Variants in KIZ observed in about 807,000 individuals in gnomAD.
KIZ encodes centrosomal protein kizuna.
KIZ carries 68 observed loss-of-function variants against 79.6 expected under a neutral mutation model. The ratio of observed to expected loss-of-function variants is 0.85; its 90% CI spans 0.70 to 1.05. The LOEUF (loss-of-function observed/expected upper bound fraction) is 1.05, where lower values mean the gene tolerates loss of function less well. Ranked by LOEUF, KIZ falls within the 50% of genes least tolerant of loss-of-function variation. The pLI is 0.00. For missense variants in KIZ, 797 were observed against 800.4 expected (o/e 1.00, Z 0.05); for synonymous variants, 280 against 281.8 (o/e 0.99, Z 0.06).
intron 7 of KIZ, among the ~76,000 whole-genome samples, chr20:21,211,712 G>A (rs1282220334): frequency 1.3e-5 from 2 of 152,200 alleles, no homozygotes; most frequent in African/African-American, 4.8e-5. Flanking sequence ...CTTCAGATTG[G>A]AGGTTTCCTT....
chr20:21,214,479 A>G, intron 7 of KIZ, 56 bp from the exon 8 acceptor site: 2 of 1,282,572 alleles, frequency 1.6e-6, no homozygotes, highest in East Asian at 2.4e-5. Flanking sequence ...TGAGACCAAG[A>G]GGAATGTGGC....
At chr20:21,153,171 G>C (rs1480158525) in intron 4 of KIZ, among the ~76,000 whole-genome samples, 1 of 152,064 alleles carries the variant, frequency 6.6e-6, no homozygotes, top group Non-Finnish European at 1.5e-5. Context: ...GCTCCTCCTT[G>C]TCACCTCGTA....
At chr20:21,140,906 A>G (rs2032481019) in intron 3 of KIZ, among the ~76,000 whole-genome samples, 1 of 152,008 alleles carries the variant, frequency 6.6e-6, no homozygotes, top group Non-Finnish European at 1.5e-5. Context: ...CAGGAATCTG[A>G]GATGGGGGGG....
chr20:21,200,595 A>G (rs2035554276), intron 6 of KIZ, among the ~76,000 whole-genome samples: 2 of 152,000 alleles, frequency 1.3e-5, no homozygotes, highest in South Asian at 4.2e-4. Context: ...TTGCATGCAC[A>G]GTTCACAATA....
At position 21,161,935 on chromosome 20, in the gene KIZ, C is replaced by T; in HGVS notation, c.470C>T (p.Thr157Ile). ...TCAAGAGGATTGTATCAACCAGCAA[C>T]AATCTTTATGGGCCGCCAAATGTCA... ...AMSRGLYQPA[T>I]IFMGRQMSAI... Residue 157 changes from threonine (T) to isoleucine (I), a missense_variant, in exon 5 of 13, where the codon ACA (threonine) becomes ATA (isoleucine). By Grantham distance (89) the Thr-to-Ile change is moderately conservative (BLOSUM62 -1). Transcript: ENST00000619189. 1 of 1,613,670 alleles carries T rather than the reference C, an allele frequency of 6.2e-7. No homozygotes were observed. The highest frequency in any genetic ancestry group is 2.2e-5 in the East Asian group (1 of 44,868).
chr20:21,238,577 C>T (rs2037112519), intron 11 of KIZ, among the ~76,000 whole-genome samples: 1 of 152,144 alleles, frequency 6.6e-6, no homozygotes, highest in Non-Finnish European at 1.5e-5. Flanking sequence ...GGAAAGGTGT[C>T]TGGCTTCGGG....
At chr20:21,164,479 A>G (rs115578479) in intron 6 of KIZ, among the ~76,000 whole-genome samples, 119 of 152,328 alleles carry the variant, frequency 7.8e-4, no homozygotes, top group African/African-American at 2.8e-3. Flanking sequence ...ATATTACATC[A>G]TCAGAAACTT....
At chr20:21,157,095 TA>T (rs559394746) in intron 4 of KIZ, among the ~76,000 whole-genome samples, 7 of 149,460 alleles carry the variant, frequency 4.7e-5, no homozygotes, top group Admixed American at 2.0e-4. Flanking sequence ...TCTCTATAAA[TA>T]AAAAAAAAAT....
chr20:21,203,316 C>T (rs1018810637), intron 6 of KIZ, among the ~76,000 whole-genome samples: 1 of 152,090 alleles, frequency 6.6e-6, no homozygotes, highest in African/African-American at 2.4e-5. Context: ...CCTCTTTACT[C>T]TTTATTACCT....
intron 6 of KIZ, among the ~76,000 whole-genome samples, chr20:21,169,461 A>C (rs1292029942): frequency 6.6e-6 from 1 of 152,226 alleles, no homozygotes; most frequent in Non-Finnish European, 1.5e-5. Context: ...AGAAATAGGA[A>C]CACTTTTACA....
At chr20:21,219,768 G>C (rs547057147) in intron 9 of KIZ, among the ~76,000 whole-genome samples, 3 of 152,200 alleles carry the variant, frequency 2.0e-5, no homozygotes, top group African/African-American at 7.2e-5. Flanking sequence ...TTTCTCATTT[G>C]CTTATCACCA....
At chr20:21,239,665 G>GTTA (rs767986556) in intron 11 of KIZ, among the ~76,000 whole-genome samples, 1 of 152,126 alleles carries the variant, frequency 6.6e-6, no homozygotes, top group Non-Finnish European at 1.5e-5. Context: ...TTCTAGCTAC[G>GTTA]TTAGCCTTTT....
intron 3 of KIZ, among the ~76,000 whole-genome samples, chr20:21,144,426 G>C (rs1268791437): frequency 6.6e-6 from 1 of 152,158 alleles, no homozygotes; most frequent in East Asian, 1.9e-4. Context: ...TCTAAGTTCA[G>C]AGGAATAGAT....
chr20:21,126,222 G>A lies in KIZ; in HGVS notation c.89+18G>A. ...CGGGACAGGTAAGGGCACTGGGGCG[G>A]GGGTGGGGAGTCGGCCCGCGCCGGG... On this transcript the variant is annotated intron_variant, in intron 1 of 12. Transcript: ENST00000619189. 2.9e-6 allele frequency: 4 copies of A among 1,394,898 alleles called. No individual in the cohort carries two copies. The highest frequency in any genetic ancestry group is 3.8e-6 in the Non-Finnish European group (4 of 1,062,804). 86.4% of individuals were successfully genotyped at this position (1,394,898 alleles called of 1,614,324 possible). A position where few individuals can be genotyped will look rare whatever the true frequency, so the allele number is the denominator to read the frequency against.
At chr20:21,130,952 G>C (rs955642641) in intron 1 of KIZ, among the ~76,000 whole-genome samples, 3 of 152,234 alleles carry the variant, frequency 2.0e-5, no homozygotes, top group African/African-American at 7.2e-5. Flanking sequence ...ACCTCTGTTG[G>C]AGTCCTTATC....
intron 7 of KIZ, among the ~76,000 whole-genome samples, chr20:21,209,132 G>C (rs2035959048): frequency 6.6e-6 from 1 of 152,164 alleles, no homozygotes; most frequent in Admixed American, 6.5e-5. Flanking sequence ...GTGAGTCCCT[G>C]TGCTGTCAGC....
At chr20:21,208,801 C>T (rs1323185179) in intron 7 of KIZ, among the ~76,000 whole-genome samples, 1 of 151,998 alleles carries the variant, frequency 6.6e-6, no homozygotes, top group Non-Finnish European at 1.5e-5. Context: ...ATGATGCAGG[C>T]GGGGCAAGCC....
intron 4 of KIZ, among the ~76,000 whole-genome samples, chr20:21,157,674 G>A (rs968919663): frequency 2.6e-5 from 4 of 152,154 alleles, no homozygotes; most frequent in Non-Finnish European, 5.9e-5. Context: ...ATCTTAGGGG[G>A]TTGGAGACAT....
intron 9 of KIZ, 26 bp from the exon 10 acceptor site, chr20:21,228,985 T>C: frequency 1.5e-6 from 2 of 1,323,666 alleles, no homozygotes; most frequent in Non-Finnish European, 2.2e-6. Flanking sequence ...AAATGTAATA[T>C]TTCTGTGTTT....
Sources: allele counts gnomAD v4.1 joint callset (sites outside exome capture counted in the v4.1 genomes callset), GRCh38; gene constraint gnomAD v4.1.1; transcripts MANE v1.5; gene names NCBI Gene and HGNC (gene_info 2026-07-23, HGNC 2026-07-21).